The following ASAP2 variants were observed in gnomAD, a reference collection of about 807,000 sequenced individuals.
ASAP2 encodes ArfGAP with SH3 domain, ankyrin repeat and PH domain 2.
A neutral mutation model predicts 131.4 loss-of-function variants in ASAP2; 45 were observed. The ratio of observed to expected loss-of-function variants is 0.34; its 90% CI spans 0.27 to 0.44. ASAP2 has a LOEUF of 0.44. ASAP2 is among the 20% of genes least tolerant of loss of function. ASAP2 has a pLI of 1.00. For missense variants in ASAP2, 1,011 were observed against 1,297.0 expected (o/e 0.78, Z 3.39); for synonymous variants, 510 against 503.0 (o/e 1.01, Z -0.19).
intron 1 of ASAP2, among the ~76,000 whole-genome samples, chr2:9,270,885 C>T (rs1355157342): frequency 3.3e-5 from 5 of 149,562 alleles, no homozygotes; most frequent in South Asian, 4.2e-4. Context: ...CCCCGCCTCC[C>T]GGGTTCACGC....
chr2:9,270,785 A>ATTTTTTTGTTTTTTTTTTTTTT (rs1666300435), intron 1 of ASAP2, among the ~76,000 whole-genome samples: 1 of 52,924 alleles, frequency 1.9e-5, no homozygotes, highest in Non-Finnish European at 3.5e-5. Context: ...AATTGTTTTC[A>ATTTTTTTGTTTTTTTTTTTTTT]TTTTTTTTTT....
At chr2:9,239,275 G>C (rs1283133323) in intron 1 of ASAP2, among the ~76,000 whole-genome samples, 2 of 152,176 alleles carry the variant, frequency 1.3e-5, no homozygotes, top group Non-Finnish European at 2.9e-5. Flanking sequence ...CACAGATTTG[G>C]TGTCATCATG....
chr2:9,344,036 A>T (rs796938095), intron 9 of ASAP2, among the ~76,000 whole-genome samples: 1 of 152,256 alleles, frequency 6.6e-6, no homozygotes, highest in African/African-American at 2.4e-5. Flanking sequence ...TTGAGTCCTT[A>T]CTGTTTATTG....
intron 16 of ASAP2, among the ~76,000 whole-genome samples, chr2:9,368,905 T>C (rs997192156): frequency 4.6e-5 from 7 of 152,156 alleles, no homozygotes; most frequent in African/African-American, 4.8e-5. Flanking sequence ...TATGTGATTA[T>C]GTAGCGTCCT....
chr2:9,221,571 A>G (rs1173168791), intron 1 of ASAP2, among the ~76,000 whole-genome samples: 1 of 152,012 alleles, frequency 6.6e-6, no homozygotes, highest in Non-Finnish European at 1.5e-5. Flanking sequence ...TGTGAGTGGA[A>G]TTGTTTTCTT....
rs540585267 is a variant in ASAP2 at position 9,217,793 on chromosome 2, T to G, written c.126+10563T>G. 5.4e-4 allele frequency among the ~76,000 whole-genome samples: 82 copies of G among 152,022 alleles called. No individual in the cohort carries two copies. Among genetic ancestry groups the G allele is most frequent in the South Asian group, 3.8e-3 (18 of 4,794 alleles). On this transcript the variant is annotated intron_variant, in intron 1 of 27. Transcript: ENST00000281419. The surrounding 1 kb of genome is among the most constrained non-coding windows in gnomAD (Gnocchi z 4.0). ...CCACGCCCGGCTAATTTTTGGTATT[T>G]TTAGTAGAGACGGGGTTTCACTGTG...
intron 11 of ASAP2, among the ~76,000 whole-genome samples, chr2:9,347,000 G>A (rs1457525459): frequency 2.0e-5 from 3 of 152,196 alleles, no homozygotes; most frequent in South Asian, 2.1e-4. Context: ...GTCACACAGC[G>A]TGTGCATATT....
intron 27 of ASAP2, among the ~76,000 whole-genome samples, chr2:9,402,357 C>T (rs576554543): frequency 5.3e-5 from 8 of 152,166 alleles, no homozygotes; most frequent in East Asian, 3.8e-4. Context: ...GGCCTGGGCG[C>T]GGTGGCTCAC....
chr2:9,279,131 C>T (rs935861440), intron 1 of ASAP2, among the ~76,000 whole-genome samples, 186 bp from the exon 2 acceptor site: 2 of 152,164 alleles, frequency 1.3e-5, no homozygotes, highest in Non-Finnish European at 2.9e-5. Context: ...ACCAGTCTTC[C>T]ACACCACACT....
chr2:9,314,879 C>T (rs950185846), intron 3 of ASAP2, among the ~76,000 whole-genome samples: 1 of 144,334 alleles, frequency 6.9e-6, no homozygotes, highest in Non-Finnish European at 1.5e-5. Flanking sequence ...TGCGGTGAGC[C>T]GAGATCACGC....
chr2:9,276,681 G>T (rs1203728964), intron 1 of ASAP2, among the ~76,000 whole-genome samples: 13 of 151,946 alleles, frequency 8.6e-5, no homozygotes. Flanking sequence ...GGGATTACAG[G>T]CACACCCACC....
intron 6 of ASAP2, among the ~76,000 whole-genome samples, chr2:9,326,639 A>G (rs1670497547): frequency 6.6e-6 from 1 of 152,208 alleles, no homozygotes; most frequent in Non-Finnish European, 1.5e-5. Context: ...GTCCCTATGT[A>G]TACATTCAAA....
intron 1 of ASAP2, among the ~76,000 whole-genome samples, chr2:9,245,007 C>A (rs1437775394): frequency 2.0e-5 from 3 of 152,106 alleles, no homozygotes; most frequent in African/African-American, 7.2e-5. Context: ...GTCCTCCCGT[C>A]ATATAAAAGG....
In ASAP2 at chr2:9,208,077, C is replaced by T. The variant is rs1019947100; in HGVS notation, c.126+847C>T. On this transcript the variant is annotated intron_variant, in intron 1 of 27. Transcript: ENST00000281419. ...CAGAGTCTGTGAGTCCAGGGGCCAC[C>T]GTTGGCTGTGGTTTGAGGCACATCC... is the stretch of plus-strand genomic sequence containing the variant. Among the ~76,000 whole-genome samples the T allele has an allele frequency of 7.9e-5, 12 of 152,272 alleles. No individual in the cohort carries two copies. In the South Asian group the frequency reaches 2.5e-3, roughly 32 times the overall value.
At chr2:9,346,110 C>A (rs941177829) in intron 11 of ASAP2, among the ~76,000 whole-genome samples, 5 of 152,192 alleles carry the variant, frequency 3.3e-5, no homozygotes, top group African/African-American at 1.2e-4. Flanking sequence ...CCCGCGACCC[C>A]AGGGCCATGC....
At chr2:9,261,741 A>AT (rs1309474227) in intron 1 of ASAP2, among the ~76,000 whole-genome samples, 1 of 152,204 alleles carries the variant, frequency 6.6e-6, no homozygotes, top group East Asian at 1.9e-4. Flanking sequence ...GGACTGCCAC[A>AT]TGCAGGGGAG....
At chr2:9,339,897 TTCCTA>T (rs1412295851) in intron 9 of ASAP2, among the ~76,000 whole-genome samples, 1 of 152,214 alleles carries the variant, frequency 6.6e-6, no homozygotes, top group Non-Finnish European at 1.5e-5. Flanking sequence ...GAGGGACCTG[TTCCTA>T]TCCATTGCAG....
At chr2:9,312,956 G>A (rs1669404253) in intron 3 of ASAP2, among the ~76,000 whole-genome samples, 1 of 152,230 alleles carries the variant, frequency 6.6e-6, no homozygotes, top group Admixed American at 6.5e-5. Context: ...CTACCTGGGA[G>A]GCTGAGGCAG....
At chr2:9,355,802 T>A (rs10189139) in intron 12 of ASAP2, among the ~76,000 whole-genome samples, 72 of 152,246 alleles carry the variant, frequency 4.7e-4, no homozygotes, top group African/African-American at 1.7e-3. Context: ...ATAGCTTCAG[T>A]TTTTAGAAGC....
Sources: allele counts gnomAD v4.1 joint callset (sites outside exome capture counted in the v4.1 genomes callset), GRCh38; gene constraint gnomAD v4.1.1; non-coding constraint Gnocchi (gnomAD v3.1); transcripts MANE v1.5; gene names NCBI Gene and HGNC (gene_info 2026-07-23, HGNC 2026-07-21).